CCDC141: variants seen among roughly 807,000 people sequenced by gnomAD.
CCDC141 encodes the protein coiled-coil domain-containing protein 141.
In CCDC141, 168 loss-of-function variants were observed where a neutral mutation model predicts 181.0. That is an observed-to-expected ratio of 0.93 (90% CI 0.82 to 1.05). CCDC141 has a LOEUF of 1.05. Among genes scored for constraint, CCDC141 ranks in the 50% least tolerant of loss-of-function variants. CCDC141 has a pLI of 0.00. For synonymous variants in CCDC141, 666 were observed against 642.3 expected, an observed-to-expected ratio of 1.04 and a Z score of -0.56; for missense variants, 1,902 against 1,788.5, an observed-to-expected ratio of 1.06 and a Z score of -1.14.
At chr2:178,956,293 T>A (rs1690158275) in intron 5 of CCDC141, among the ~76,000 whole-genome samples, 1 of 152,138 alleles carries the variant, frequency 6.6e-6, no homozygotes, top group South Asian at 2.1e-4. Context: ...AGTCTAAATT[T>A]TATTTTTATT....
At chr2:178,945,218 T>C (rs1689680276) in intron 5 of CCDC141, among the ~76,000 whole-genome samples, 1 of 152,174 alleles carries the variant, frequency 6.6e-6, no homozygotes, top group African/African-American at 2.4e-5. Flanking sequence ...AGCAAAGGAC[T>C]TGAAATAATC....
rs752068360 is a variant in CCDC141 at position 178,865,840 on chromosome 2, G to C, written c.2651C>G (p.Ala884Gly). ...LLEEDSMKWR[A>G]KAEEYGRTLS... Reference sequence around the variant, plus strand: ...GGTCCGTCCATACTCCTCAGCTTTGGCACGCCACTTCATGCTGTCCTCCTC... The same window carrying C: ...GGTCCGTCCATACTCCTCAGCTTTGCCACGCCACTTCATGCTGTCCTCCTC... The change falls in exon 17 of 24, where the codon GCC becomes GGC. Residue 884 changes from alanine (A) to glycine (G), a missense_variant. Ala to Gly is a moderately conservative substitution (Grantham distance 60, BLOSUM62 0). Transcript: ENST00000443758. 7 of 1,606,608 alleles carry C rather than the reference G, an allele frequency of 4.4e-6. No homozygotes were observed. In the African/African-American group the frequency reaches 9.4e-5, roughly 22 times the overall value.
At chr2:179,015,763 A>ATATC (rs1452852895) in intron 2 of CCDC141, among the ~76,000 whole-genome samples, 3 of 133,630 alleles carry the variant, frequency 2.2e-5, no homozygotes, top group South Asian at 2.5e-4. Context: ...TCTCATATAT[A>ATATC]TCATATATAT....
At chr2:178,854,341 G>A (rs533805391) in intron 19 of CCDC141, among the ~76,000 whole-genome samples, 3 of 152,146 alleles carry the variant, frequency 2.0e-5, no homozygotes, top group East Asian at 3.9e-4. Context: ...TGGCTAACAC[G>A]GTGAAACCCC....
At chr2:178,929,015 A>G (rs1023751804) in intron 6 of CCDC141, among the ~76,000 whole-genome samples, 1 of 152,238 alleles carries the variant, frequency 6.6e-6, no homozygotes, top group African/African-American at 2.4e-5. Flanking sequence ...TCATTAAAGA[A>G]TCAGACAAGT....
At chr2:179,013,487 A>G (rs2042330311) in intron 2 of CCDC141, among the ~76,000 whole-genome samples, 1 of 152,168 alleles carries the variant, frequency 6.6e-6, no homozygotes, top group South Asian at 2.1e-4. Flanking sequence ...ATGGACACAC[A>G]TCCCATACTC....
chr2:178,877,283 G>A (rs1686394851), intron 12 of CCDC141: 1 of 152,104 alleles, frequency 6.6e-6, no homozygotes, highest in Non-Finnish European at 1.5e-5. Flanking sequence ...TTGTCCCTGT[G>A]TAGCTACAGA....
chr2:179,019,120 G>A (rs1412840258), intron 2 of CCDC141, among the ~76,000 whole-genome samples: 1 of 152,064 alleles, frequency 6.6e-6, no homozygotes, highest in Non-Finnish European at 1.5e-5. Context: ...TGTGTCCACT[G>A]AGCCAATGTT....
intron 7 of CCDC141, chr2:178,915,688 G>A (rs1470390782): frequency 2.0e-5 from 3 of 152,136 alleles, no homozygotes; most frequent in Non-Finnish European, 2.9e-5. Flanking sequence ...ATGGATCTCT[G>A]GTGCTCCTAC....
chr2:178,945,253 A>G (rs1414025372), intron 5 of CCDC141, among the ~76,000 whole-genome samples: 1 of 152,152 alleles, frequency 6.6e-6, no homozygotes, highest in African/African-American at 2.4e-5. Flanking sequence ...TGATGCCAAC[A>G]CTTGACATGG....
chr2:178,889,505 A>C (rs1352969883), intron 8 of CCDC141, among the ~76,000 whole-genome samples: 1 of 152,218 alleles, frequency 6.6e-6, no homozygotes, highest in African/African-American at 2.4e-5. Flanking sequence ...TGAACATGAT[A>C]ACCCTTAAAT....
At chr2:178,960,524 T>C (rs970313585) in intron 5 of CCDC141, among the ~76,000 whole-genome samples, 1 of 152,156 alleles carries the variant, frequency 6.6e-6, no homozygotes, top group Non-Finnish European at 1.5e-5. Flanking sequence ...GATTTAAACA[T>C]GGAATTAAGA....
At chr2:178,856,557 A>C (rs532038773) in intron 17 of CCDC141, among the ~76,000 whole-genome samples, 160 bp from the exon 18 acceptor site, 4 of 120,914 alleles carry the variant, frequency 3.3e-5, no homozygotes, top group Admixed American at 9.0e-5. Context: ...TCTTTCTTTC[A>C]CTCTTTCTCT....
At chr2:178,985,923 T>A (rs1691707372) in intron 2 of CCDC141, among the ~76,000 whole-genome samples, 1 of 152,166 alleles carries the variant, frequency 6.6e-6, no homozygotes, top group Admixed American at 6.5e-5. Context: ...TCTGAAACTA[T>A]TCCAATCAAT....
rs1349211734 is a variant in CCDC141 at position 179,015,103 on chromosome 2, T to TATATATATAA, written c.225+32180_225+32181insTTATATATAT. On this transcript the variant is annotated intron_variant, in intron 2 of 23. Transcript: ENST00000443758. ...ATATATATATATATATATATATATA[T>TATATATATAA]AATATATATATAATCATATATATAT... is the stretch of plus-strand genomic sequence containing the variant. Among the ~76,000 whole-genome samples, 8 of 28,220 alleles carry TATATATATAA rather than the reference T, an allele frequency of 2.8e-4. 1 individual carries two copies. The highest frequency in any genetic ancestry group is 9.0e-4 in the Admixed American group (3 of 3,324). The allele number at this position is 28,220 out of a possible 152,430, so 18.5% of individuals were successfully genotyped here.
At chr2:178,910,883 G>A (rs1688190539) in intron 7 of CCDC141, among the ~76,000 whole-genome samples, 1 of 152,156 alleles carries the variant, frequency 6.6e-6, no homozygotes, top group Admixed American at 6.5e-5. Context: ...GAAAACACTG[G>A]AATAAAAGAG....
intron 2 of CCDC141, chr2:179,002,608 C>G (rs775981748): frequency 1.5e-5 from 4 of 267,594 alleles, no homozygotes; most frequent in Non-Finnish European, 2.9e-5. Context: ...TGTCTTACAA[C>G]ATAAATGCTG....
At chr2:179,019,915 C>T (rs901511550) in intron 2 of CCDC141, among the ~76,000 whole-genome samples, 4 of 151,912 alleles carry the variant, frequency 2.6e-5, no homozygotes, top group South Asian at 2.1e-4. Context: ...TACAGGCATG[C>T]ATCACCATGC....
intron 20 of CCDC141, 146 bp downstream of exon 20, chr2:178,853,295 G>T: frequency 3.0e-6 from 2 of 675,636 alleles, no homozygotes; most frequent in Non-Finnish European, 4.9e-6. Context: ...TTCCCTGGCT[G>T]TGGGCTCTTA....
Sources: allele counts gnomAD v4.1 joint callset (sites outside exome capture counted in the v4.1 genomes callset), GRCh38; gene constraint gnomAD v4.1.1; transcripts MANE v1.5; gene names NCBI Gene and HGNC (gene_info 2026-07-23, HGNC 2026-07-21).